The following GRAMD2A variants were observed in gnomAD, a reference collection of about 807,000 sequenced individuals.
The protein encoded by GRAMD2A is GRAM domain-containing protein 2A.
In GRAMD2A, 37 loss-of-function variants were observed where a neutral mutation model predicts 51.1. The observed-to-expected ratio is 0.72, with a 90% CI of 0.56 to 0.95. The LOEUF is 0.95. Ranked by LOEUF, GRAMD2A falls within the 40% of genes least tolerant of loss-of-function variation. The pLI is 0.00. For synonymous variants in GRAMD2A, 136 were observed against 157.1 expected (o/e 0.87, Z 1.01); for missense variants, 414 against 426.9 (o/e 0.97, Z 0.27).
intron 1 of GRAMD2A, among the ~76,000 whole-genome samples, chr15:72,187,496 A>T (rs1404053546): frequency 6.6e-6 from 1 of 151,840 alleles, no homozygotes; most frequent in Non-Finnish European, 1.5e-5. Flanking sequence ...AAAAAAAACA[A>T]CAGTAAATTA....
intron 11 of GRAMD2A, 75 bp from the exon 12 acceptor site, chr15:72,162,087 T>C: frequency 6.4e-7 from 1 of 1,572,940 alleles, no homozygotes; most frequent in South Asian, 1.1e-5. Context: ...GGGCCAGTGA[T>C]AACTTTACTT....
chr15:72,194,168 T>C (rs10851850), intron 1 of GRAMD2A, among the ~76,000 whole-genome samples: 83,372 of 152,200 alleles, frequency 0.55, 27,864 homozygotes, highest in Non-Finnish European at 0.73. Context: ...AACTCACACT[T>C]GCATCAGAGA....
chr15:72,168,566 T>C lies in GRAMD2A; in HGVS notation c.193A>G (p.Ile65Val), dbSNP rs2081574294. Reference protein sequence around the residue: ...EEIKKCGREGITLNKYNQQYH... With the variant: ...EEIKKCGREGVTLNKYNQQYH... ...TGCTGGTTGTATTTATTCAGTGTTA[T>C]CTGCAAACACACAGGCTGCGTCTGA... The change falls in exon 4 of 12, where the codon ATA becomes GTA. Residue 65 changes from isoleucine (I) to valine (V), a missense_variant and splice_region_variant. Ile to Val is a conservative substitution (Grantham distance 29). Transcript: ENST00000309731. The C allele has an allele frequency of 1.9e-6, 3 of 1,613,220 alleles. No homozygotes were observed. The highest frequency in any genetic ancestry group is 1.7e-5 in the Admixed American group (1 of 60,028).
intron 1 of GRAMD2A, among the ~76,000 whole-genome samples, chr15:72,187,620 T>C (rs1419855696): frequency 6.6e-6 from 1 of 152,010 alleles, no homozygotes; most frequent in East Asian, 1.9e-4. Context: ...CTCAAGCAAT[T>C]CTCCCACTCA....
Position 72,170,266 on chromosome 15 carries a change from C to T in GRAMD2A, c.42-327G>A. ...AGGCTGAGTGAGGCCTCTAGCCCCA[C>T]CCTTGAGGAGGCACACTGAGAGGGA... is the stretch of plus-strand genomic sequence containing the variant. On this transcript the variant is annotated intron_variant, in intron 1 of 11. Coordinates refer to ENST00000309731, the MANE Select transcript of GRAMD2A (RefSeq NM_001012642.3). The surrounding 1 kb of genome is among the most constrained non-coding windows in gnomAD (Gnocchi z 4.5). The T allele has an allele frequency of 3.9e-6, 2 of 513,470 alleles. No homozygotes were observed. Among genetic ancestry groups the T allele is most frequent in the Non-Finnish European group, 7.5e-6 (2 of 265,048 alleles). The allele number at this position is 513,470 out of a possible 1,614,324, so 31.8% of individuals were successfully genotyped here.
chr15:72,163,513 G>A lies in GRAMD2A; in HGVS notation c.746-37C>T, dbSNP rs780553154. On this transcript the variant is annotated intron_variant, in intron 9 of 11. Coordinates refer to ENST00000309731, the MANE Select transcript of GRAMD2A (RefSeq NM_001012642.3). ...GGGAGAAAAAAAAAATCAGCTCTCA[G>A]AAGCCCTGCTGGCTGTGGTGAGCCC... is the stretch of plus-strand genomic sequence containing the variant. 6.2e-6 allele frequency: 10 copies of A among 1,605,586 alleles called. No homozygotes were observed. In the East Asian group the frequency reaches 2.0e-4, roughly 32 times the overall value.
In GRAMD2A at chr15:72,166,860, A is replaced by G. The variant is rs2081551287; in HGVS notation, c.471+134T>C. The G allele has an allele frequency of 1.1e-6, 1 of 922,588 alleles. No individual in the cohort carries two copies. The highest frequency in any genetic ancestry group is 2.5e-5 in the East Asian group (1 of 39,830). 57.2% of individuals were successfully genotyped at this position (922,588 alleles called of 1,614,324 possible). On this transcript the variant is annotated intron_variant, in intron 6 of 11. Coordinates refer to ENST00000309731, the MANE Select transcript of GRAMD2A (RefSeq NM_001012642.3). The surrounding 1 kb of genome is among the most constrained non-coding windows in gnomAD (Gnocchi z 4.1). ...AGGAACTTCTCTTCCAGCTTGTTGTACGGCCTGAAATACCTACTGGAGAGC... is the reference window on the plus strand; with the variant it reads ...AGGAACTTCTCTTCCAGCTTGTTGTGCGGCCTGAAATACCTACTGGAGAGC...
intron 1 of GRAMD2A, among the ~76,000 whole-genome samples, chr15:72,184,942 C>T (rs2081724546): frequency 6.6e-6 from 1 of 152,054 alleles, no homozygotes; most frequent in Admixed American, 6.6e-5. Context: ...TATTTGGGCA[C>T]CAAAGTAGGC....
intron 1 of GRAMD2A, among the ~76,000 whole-genome samples, chr15:72,189,107 T>A (rs1021192259): frequency 6.6e-6 from 1 of 152,194 alleles, no homozygotes; most frequent in African/African-American, 2.4e-5. Context: ...ACTATTTTCA[T>A]TTAGTAAAAG....
chr15:72,196,789 G>C (rs954712831), intron 1 of GRAMD2A, among the ~76,000 whole-genome samples: 1 of 152,154 alleles, frequency 6.6e-6, no homozygotes, highest in Non-Finnish European at 1.5e-5. Context: ...AGACACAGAC[G>C]ACAGCGGGGT....
chr15:72,187,595 C>T (rs927489055), intron 1 of GRAMD2A, among the ~76,000 whole-genome samples: 1 of 152,136 alleles, frequency 6.6e-6, no homozygotes, highest in Non-Finnish European at 1.5e-5. Flanking sequence ...CTCACTACAA[C>T]CTCTGCCTGC....
chr15:72,165,409 G>A lies in GRAMD2A; in HGVS notation c.545C>T (p.Pro182Leu). Reference protein sequence around the residue: ...LLRRVCTHLQPSSKKSLSVRE... With the variant: ...LLRRVCTHLQLSSKKSLSVRE... The stretch of plus-strand genomic sequence containing the variant: ...TACACTCAGACTCTTCTTGCTGGAA[G>A]GCTGAGGAGGAAAGGGAACAGCAGT... The change falls in exon 8 of 12, where the codon CCT becomes CTT. Residue 182 changes from proline (P) to leucine (L), a missense_variant and splice_region_variant. Pro to Leu is a moderately conservative substitution (Grantham distance 98). Coordinates refer to ENST00000309731, the MANE Select transcript of GRAMD2A (RefSeq NM_001012642.3). 5 of 1,614,010 alleles carry A rather than the reference G, an allele frequency of 3.1e-6. No individual in the cohort carries two copies. The highest frequency in any genetic ancestry group is 4.2e-6 in the Non-Finnish European group (5 of 1,179,952).
intron 1 of GRAMD2A, among the ~76,000 whole-genome samples, chr15:72,192,259 T>C (rs1363443386): frequency 2.6e-5 from 4 of 152,228 alleles, no homozygotes; most frequent in Admixed American, 6.5e-5. Context: ...TTGTATATGT[T>C]TGAAATTTTC....
chr15:72,183,672 A>T (rs1281897958), intron 1 of GRAMD2A, among the ~76,000 whole-genome samples: 3 of 152,348 alleles, frequency 2.0e-5, no homozygotes, highest in African/African-American at 7.2e-5. Context: ...TCTACTAAAA[A>T]AAATAAATAA....
chr15:72,161,789 G>T lies in GRAMD2A; in HGVS notation c.*220C>A. 1.8e-6 allele frequency: 1 copy of T among 552,756 alleles called. No individual in the cohort carries two copies. Among genetic ancestry groups the T allele is most frequent in the Non-Finnish European group, 3.3e-6 (1 of 306,292 alleles). 34.2% of individuals were successfully genotyped at this position (552,756 alleles called of 1,614,324 possible). On this transcript the variant is annotated 3_prime_UTR_variant, in exon 12 of 12. Coordinates refer to ENST00000309731, the MANE Select transcript of GRAMD2A (RefSeq NM_001012642.3). Reference sequence around the variant, plus strand: ...TTCCAAAAAATCTGGCTTTTTGCTTGAGTCCAAAAATTGTAGAAGCCAGTT... The same window carrying T: ...TTCCAAAAAATCTGGCTTTTTGCTTTAGTCCAAAAATTGTAGAAGCCAGTT...
chr15:72,164,627 A>C (rs1317888412), intron 8 of GRAMD2A, among the ~76,000 whole-genome samples: 1 of 151,516 alleles, frequency 6.6e-6, no homozygotes, highest in East Asian at 2.0e-4. Context: ...CCAATCTCGA[A>C]CTCCCGGGCT....
At chr15:72,163,119 G>A in intron 10 of GRAMD2A, 147 bp downstream of exon 10, 1 of 605,140 alleles carries the variant, frequency 1.7e-6, no homozygotes, top group Non-Finnish European at 2.9e-6. Context: ...CGTGCCACAT[G>A]GCCTTCAGAT....
In GRAMD2A at chr15:72,166,848, C is replaced by T; in HGVS notation, c.472-145G>A. ...GAAGCTCTGCCTAGGAACTTCTCTTCCAGCTTGTTGTACGGCCTGAAATAC... is the reference window on the plus strand; with the variant it reads ...GAAGCTCTGCCTAGGAACTTCTCTTTCAGCTTGTTGTACGGCCTGAAATAC... On this transcript the variant is annotated intron_variant, in intron 6 of 11. Transcript: ENST00000309731. The surrounding 1 kb of genome is among the most constrained non-coding windows in gnomAD (Gnocchi z 4.1). The T allele has an allele frequency of 1.1e-6, 1 of 939,856 alleles. No individual in the cohort carries two copies. The highest frequency in any genetic ancestry group is 1.4e-5 in the South Asian group (1 of 71,916). The allele number at this position is 939,856 out of a possible 1,614,324, so 58.2% of individuals were successfully genotyped here. A position where few individuals can be genotyped will look rare whatever the true frequency, so the allele number is the denominator to read the frequency against.
chr15:72,196,930 A>C (rs1455301328), intron 1 of GRAMD2A, among the ~76,000 whole-genome samples: 1 of 152,170 alleles, frequency 6.6e-6, no homozygotes, highest in African/African-American at 2.4e-5. Flanking sequence ...TAGCTGGCCG[A>C]GGATGCCAGG....
Sources: allele counts gnomAD v4.1 joint callset (sites outside exome capture counted in the v4.1 genomes callset), GRCh38; gene constraint gnomAD v4.1.1; non-coding constraint Gnocchi (gnomAD v3.1); transcripts MANE v1.5; gene names NCBI Gene and HGNC (gene_info 2026-07-23, HGNC 2026-07-21).